The following CLTA variants were observed in gnomAD, a reference collection of about 807,000 sequenced individuals.
CLTA encodes clathrin light chain A.
In CLTA, 9 loss-of-function variants were observed where a neutral mutation model predicts 26.9. The ratio of observed to expected loss-of-function variants is 0.33; its 90% CI spans 0.20 to 0.58. The LOEUF (loss-of-function observed/expected upper bound fraction) is 0.58, where lower values mean the gene tolerates loss of function less well. Among genes scored for constraint, CLTA ranks in the 20% least tolerant of loss-of-function variants. The pLI is 0.85. For missense variants in CLTA, 278 were observed against 294.2 expected, an observed-to-expected ratio of 0.94 and a Z score of 0.40; for synonymous variants, 120 against 115.5, an observed-to-expected ratio of 1.04 and a Z score of -0.25.
intron 3 of CLTA, among the ~76,000 whole-genome samples, chr9:36,202,283 T>C (rs1247393449): frequency 2.0e-5 from 3 of 152,230 alleles, no homozygotes; most frequent in African/African-American, 4.8e-5. Context: ...CTTTTTCTTA[T>C]AGTTACACAC....
At chr9:36,209,257 T>C (rs1187323247) in intron 4 of CLTA, 3 of 1,614,024 alleles carry the variant, frequency 1.9e-6, no homozygotes, top group African/African-American at 1.3e-5. Flanking sequence ...TTGGACCTCT[T>C]GCTGTCTAGG....
chr9:36,191,749 T>C (rs1826737300), intron 1 of CLTA, among the ~76,000 whole-genome samples: 1 of 152,220 alleles, frequency 6.6e-6, no homozygotes, highest in African/African-American at 2.4e-5. Flanking sequence ...GTTCAGCATT[T>C]AAGCACTTAA....
At chr9:36,204,301 G>A in intron 4 of CLTA, 122 bp downstream of exon 4, 1 of 1,055,394 alleles carries the variant, frequency 9.5e-7, no homozygotes. Flanking sequence ...AGTTTTTAAA[G>A]AAAGTGCTTG....
intron 3 of CLTA, among the ~76,000 whole-genome samples, chr9:36,202,883 G>A (rs534515248): frequency 6.6e-6 from 1 of 150,560 alleles, no homozygotes; most frequent in Admixed American, 6.6e-5. Context: ...GTGCAGTGGT[G>A]CGATCTCAGC....
intron 4 of CLTA, chr9:36,209,342 T>G (rs780534463): frequency 6.7e-7 from 1 of 1,501,970 alleles, no homozygotes; most frequent in Non-Finnish European, 9.3e-7. Flanking sequence ...AACTAATTCC[T>G]TTTTCTACAT....
chr9:36,201,809 A>G (rs979393192), intron 3 of CLTA, among the ~76,000 whole-genome samples: 1 of 152,174 alleles, frequency 6.6e-6, no homozygotes, highest in African/African-American at 2.4e-5. Context: ...GGATAGACAC[A>G]TATTAGATGT....
At chr9:36,191,972 G>A (rs1350047360) in intron 1 of CLTA, among the ~76,000 whole-genome samples, 1 of 152,206 alleles carries the variant, frequency 6.6e-6, no homozygotes, top group Non-Finnish European at 1.5e-5. Flanking sequence ...AACCAATCAG[G>A]GAGGGATGAA....
chr9:36,210,920 G>C (rs1828006261), intron 4 of CLTA, among the ~76,000 whole-genome samples: 1 of 152,208 alleles, frequency 6.6e-6, no homozygotes, highest in African/African-American at 2.4e-5. Context: ...GGCTGACCTT[G>C]ATGTGAAAGA....
At chr9:36,200,706 T>C (rs1452903366) in intron 3 of CLTA, among the ~76,000 whole-genome samples, 1 of 152,254 alleles carries the variant, frequency 6.6e-6, no homozygotes, top group Non-Finnish European at 1.5e-5. Flanking sequence ...GTATCTGTGC[T>C]GTCTCGTATG....
At chr9:36,191,717 TACAA>T (rs1455014725) in intron 1 of CLTA, among the ~76,000 whole-genome samples, 1 of 152,184 alleles carries the variant, frequency 6.6e-6, no homozygotes, top group East Asian at 1.9e-4. Flanking sequence ...TTTTGAGAGA[TACAA>T]ACAAAAGTAG....
chr9:36,196,641 G>C (rs1460903767), intron 1 of CLTA, among the ~76,000 whole-genome samples: 1 of 151,974 alleles, frequency 6.6e-6, no homozygotes, highest in Admixed American at 6.6e-5. Context: ...GAGCCACCGC[G>C]CCCAGCTGTA....
At chr9:36,210,537 C>A in intron 4 of CLTA, 1 of 1,602,276 alleles carries the variant, frequency 6.2e-7, no homozygotes, top group Non-Finnish European at 8.5e-7. Flanking sequence ...GCATGTCCAG[C>A]TTACTGACCA....
chr9:36,191,236 C>G lies in CLTA; in HGVS notation c.180C>G (p.Pro60=). The G allele has an allele frequency of 6.5e-7, 1 of 1,538,350 alleles. No homozygotes were observed. Among genetic ancestry groups the G allele is most frequent in the East Asian group, 2.5e-5 (1 of 40,036 alleles). ...TCGCCATCCTGGACGGCGGCGCCCC[C>G]GGGCCCCAGCCGCACGGCGAGCCGC... ...EAFAILDGGA[P]GPQPHGEPPG... is the part of the protein sequence containing the mutation. Residue 60 remains proline, a synonymous_variant, in exon 1 of 5, where the codon CCC becomes CCG. Transcript: ENST00000345519.
In CLTA at chr9:36,198,999, C is replaced by T; in HGVS notation, c.276C>T (p.Asp92=). 1.9e-6 allele frequency: 3 copies of T among 1,612,516 alleles called. No individual in the cohort carries two copies. Among genetic ancestry groups the T allele is most frequent in the East Asian group, 2.2e-5 (1 of 44,854 alleles). The change falls in exon 3 of 5, where the codon GAC becomes GAT. Residue 92 remains aspartate, a synonymous_variant. Coordinates refer to ENST00000345519, the MANE Select transcript of CLTA (RefSeq NM_001833.4). ...TTAAGGAAAGTAATGGTCCAACAGA[C>T]AGTTATGCAGCTATTTCACAAGTGG... The part of the protein sequence containing the change: ...EYYQESNGPT[D]SYAAISQVDR...
intron 1 of CLTA, among the ~76,000 whole-genome samples, chr9:36,195,981 A>G (rs540821841): frequency 4.0e-5 from 6 of 151,898 alleles, no homozygotes; most frequent in Admixed American, 3.9e-4. Flanking sequence ...AAAAATAAAA[A>G]AATACATATC....
rs575103299 is a variant in CLTA, at chr9:36,190,931, C to G, written c.-126C>G. The G allele has an allele frequency of 1.4e-6, 2 of 1,409,318 alleles. No homozygotes were observed. The highest frequency in any genetic ancestry group is 2.7e-5 in the East Asian group (1 of 36,642). 87.3% of individuals were successfully genotyped at this position (1,409,318 alleles called of 1,614,324 possible). A position where few individuals can be genotyped will look rare whatever the true frequency, so the allele number is the denominator to read the frequency against. The stretch of plus-strand genomic sequence containing the variant: ...ACACGGGTAGGGCTTCCGCTTTACC[C>G]GTCTCCCTCCTGGCGCTTGTCCTCC... On this transcript the variant is annotated 5_prime_UTR_variant, in exon 1 of 5. Transcript: ENST00000345519.
intron 4 of CLTA, among the ~76,000 whole-genome samples, chr9:36,210,819 C>T (rs114549805): frequency 1.3e-5 from 2 of 152,296 alleles, no homozygotes; most frequent in Admixed American, 6.5e-5. Context: ...TTGCTTTGCC[C>T]GTGATGCTTG....
At chr9:36,200,379 A>T (rs1470023068) in intron 3 of CLTA, among the ~76,000 whole-genome samples, 1 of 152,222 alleles carries the variant, frequency 6.6e-6, no homozygotes, top group African/African-American at 2.4e-5. Context: ...TAAGATAAAG[A>T]CATCATATAC....
chr9:36,204,048 T>G lies in CLTA; in HGVS notation c.374-20T>G, dbSNP rs1328959195. ...CACTTTGCCTCAATTGTATTGTCTT[T>G]CTCTTCTCTCCCTTCAAAGATGCCA... On this transcript the variant is annotated intron_variant, in intron 3 of 4. Transcript: ENST00000345519. 1 of 1,613,556 alleles carries G rather than the reference T, an allele frequency of 6.2e-7. No individual in the cohort carries two copies. Among genetic ancestry groups the G allele is most frequent in the South Asian group, 1.1e-5 (1 of 90,956 alleles).
Sources: allele counts gnomAD v4.1 joint callset (sites outside exome capture counted in the v4.1 genomes callset), GRCh38; gene constraint gnomAD v4.1.1; transcripts MANE v1.5; gene names NCBI Gene and HGNC (gene_info 2026-07-23, HGNC 2026-07-21).